EBF1: variants seen among roughly 807,000 people sequenced by gnomAD.
EBF1 encodes transcription factor COE1.
Under a neutral mutation model 68.4 loss-of-function variants are expected in EBF1, and 10 were observed. The ratio of observed to expected loss-of-function variants is 0.15; its 90% confidence interval spans 0.09 to 0.25. EBF1 has a LOEUF of 0.25. Among genes scored for constraint, EBF1 ranks in the 10% least tolerant of loss-of-function variants. EBF1 has a pLI of 1.00. For synonymous variants in EBF1, 298 were observed against 299.8 expected (o/e 0.99, Z 0.06); for missense variants, 509 against 794.4 (o/e 0.64, Z 4.32).
chr5:158,829,849 C>G (rs1294070148), intron 7 of EBF1, among the ~76,000 whole-genome samples: 3 of 152,060 alleles, frequency 2.0e-5, no homozygotes, highest in Non-Finnish European at 4.4e-5. Flanking sequence ...CATTATTGCA[C>G]AGAGGGAATC....
intron 6 of EBF1, among the ~76,000 whole-genome samples, chr5:158,978,535 T>C (rs1757226588): frequency 6.6e-6 from 1 of 152,134 alleles, no homozygotes; most frequent in African/African-American, 2.4e-5. Flanking sequence ...GTTCTGTTCA[T>C]GATTTTTACA....
chr5:158,745,596 G>A (rs1259419818), intron 10 of EBF1, among the ~76,000 whole-genome samples: 1 of 152,184 alleles, frequency 6.6e-6, no homozygotes, highest in Non-Finnish European at 1.5e-5. Context: ...GACTAGACCA[G>A]TTGCTACATT....
At chr5:158,709,392 G>A (rs1758650683) in intron 14 of EBF1, among the ~76,000 whole-genome samples, 1 of 151,964 alleles carries the variant, frequency 6.6e-6, no homozygotes, top group Non-Finnish European at 1.5e-5. Context: ...GTAGCAGCTA[G>A]CCCAAGGGCC....
intron 10 of EBF1, among the ~76,000 whole-genome samples, chr5:158,742,817 T>A (rs1766708204): frequency 6.6e-6 from 1 of 152,134 alleles, no homozygotes; most frequent in South Asian, 2.1e-4. Context: ...GACACAACCA[T>A]TTTAAAACAA....
At chr5:158,999,856 T>G (rs1762177195) in intron 6 of EBF1, among the ~76,000 whole-genome samples, 1 of 152,214 alleles carries the variant, frequency 6.6e-6, no homozygotes, top group Non-Finnish European at 1.5e-5. Flanking sequence ...TATCCAACTC[T>G]TTTCCTACTG....
At chr5:159,090,225 T>A (rs13168903) in intron 4 of EBF1, among the ~76,000 whole-genome samples, 1 of 146,304 alleles carries the variant, frequency 6.8e-6, no homozygotes, top group Non-Finnish European at 1.5e-5. Flanking sequence ...CAACCACCAA[T>A]TTCTACTGTT....
intron 15 of EBF1, among the ~76,000 whole-genome samples, chr5:158,700,234 C>T (rs1351687745): frequency 1.3e-5 from 2 of 152,246 alleles, no homozygotes; most frequent in Non-Finnish European, 2.9e-5. Context: ...CCATGTGGCA[C>T]ACTTTGTGTG....
intron 6 of EBF1, among the ~76,000 whole-genome samples, chr5:159,021,170 C>T (rs1184484309): frequency 6.6e-6 from 1 of 152,190 alleles, no homozygotes. Flanking sequence ...AAATTGAAGA[C>T]CCTGGTACTT....
intron 2 of EBF1, 141 bp from the exon 3 acceptor site, chr5:159,096,547 T>A: frequency 1.1e-6 from 1 of 879,066 alleles, no homozygotes; most frequent in Non-Finnish European, 1.8e-6. Context: ...GCAGAAATTG[T>A]GGCCAATTGT....
At chr5:158,723,519 T>C (rs1264778382) in intron 11 of EBF1, among the ~76,000 whole-genome samples, 1 of 152,194 alleles carries the variant, frequency 6.6e-6, no homozygotes. Flanking sequence ...CCCCATTTAT[T>C]TTCCAAGGAA....
intron 8 of EBF1, among the ~76,000 whole-genome samples, chr5:158,797,292 C>A (rs1403786682): frequency 6.6e-6 from 1 of 152,168 alleles, no homozygotes; most frequent in African/African-American, 2.4e-5. Flanking sequence ...GCATGGCATA[C>A]TTTCAACAGA....
At chr5:159,003,263 C>T (rs773000570) in intron 6 of EBF1, among the ~76,000 whole-genome samples, 1 of 152,204 alleles carries the variant, frequency 6.6e-6, no homozygotes, top group Non-Finnish European at 1.5e-5. Flanking sequence ...GAAACAAAAA[C>T]ATCCCCATAC....
At chr5:158,996,752 A>C (rs67913527) in intron 6 of EBF1, among the ~76,000 whole-genome samples, 21,724 of 152,234 alleles carry the variant, frequency 0.14, 1,650 homozygotes, top group African/African-American at 0.18. Flanking sequence ...TATGATACTC[A>C]AGCCCATTCC....
intron 6 of EBF1, among the ~76,000 whole-genome samples, chr5:158,909,315 G>A (rs1805379936): frequency 6.6e-6 from 1 of 152,080 alleles, no homozygotes; most frequent in Non-Finnish European, 1.5e-5. Context: ...GGGTTTTTTG[G>A]AGAGGGGTTC....
rs201025630 is a variant in EBF1 at position 158,706,191 on chromosome 5, CT to C, written c.1744+1787del. On this transcript the variant is annotated intron_variant, in intron 15 of 15. Transcript: ENST00000313708. ...CCTGAAATGCAGTTGCACAGGCACG[CT>C]TTTTTTTTTTTTTTCCTCTTTCCTC... is the stretch of plus-strand genomic sequence containing the variant. Among the ~76,000 whole-genome samples the C allele has an allele frequency of 5.0e-3, 683 of 137,670 alleles. 2 individuals carry two copies. Among genetic ancestry groups the C allele is most frequent in the East Asian group, 4.7e-3 (23 of 4,852 alleles). The allele number at this position is 137,670 out of a possible 152,430, so 90.3% of individuals were successfully genotyped here. A position where few individuals can be genotyped will look rare whatever the true frequency, so the allele number is the denominator to read the frequency against.
intron 8 of EBF1, among the ~76,000 whole-genome samples, chr5:158,811,829 A>G (rs939345041): frequency 1.3e-5 from 2 of 151,988 alleles, no homozygotes; most frequent in African/African-American, 2.4e-5. Context: ...GACCTAACCT[A>G]CCTTCCCTAT....
intron 6 of EBF1, among the ~76,000 whole-genome samples, chr5:158,962,758 C>T (rs1165211557): frequency 6.6e-6 from 1 of 152,168 alleles, no homozygotes; most frequent in Non-Finnish European, 1.5e-5. Flanking sequence ...GCCTGCGGGA[C>T]TAAAAAGGTA....
intron 6 of EBF1, among the ~76,000 whole-genome samples, chr5:158,903,348 G>A (rs994121297): frequency 1.3e-5 from 2 of 151,940 alleles, no homozygotes; most frequent in East Asian, 1.9e-4. Context: ...AATGCTCACC[G>A]TGTCTGGGTC....
intron 4 of EBF1, among the ~76,000 whole-genome samples, chr5:159,086,823 T>C (rs6898651): frequency 0.3 from 45,023 of 152,044 alleles, 6,916 homozygotes; most frequent in Non-Finnish European, 0.32. Flanking sequence ...TTACTATGTG[T>C]CAAATTTTCA....
Sources: allele counts gnomAD v4.1 joint callset (sites outside exome capture counted in the v4.1 genomes callset), GRCh38; gene constraint gnomAD v4.1.1; transcripts MANE v1.5; gene names NCBI Gene and HGNC (gene_info 2026-07-23, HGNC 2026-07-21).